The following CTNNA3 variants were observed in gnomAD, a reference collection of about 807,000 sequenced individuals.
CTNNA3 encodes the protein catenin alpha 3, also known as catenin alpha-3.
Under a neutral mutation model 95.7 loss-of-function variants are expected in CTNNA3, and 76 were observed. The ratio of observed to expected loss-of-function variants is 0.79; its 90% CI spans 0.66 to 0.96. CTNNA3 has a LOEUF of 0.96. Among genes scored for constraint, CTNNA3 ranks in the 40% least tolerant of loss-of-function variants. The probability of loss-of-function intolerance (pLI) is 0.00; values close to 1 mark genes in which losing one functional copy is unlikely to be tolerated. For synonymous variants in CTNNA3, 431 were observed against 374.4 expected, an observed-to-expected ratio of 1.15 and a Z score of -1.74; for missense variants, 1,191 against 1,089.8, an observed-to-expected ratio of 1.09 and a Z score of -1.31.
chr10:66,847,578 A>G (rs1198149948), intron 7 of CTNNA3, among the ~76,000 whole-genome samples: 1 of 152,176 alleles, frequency 6.6e-6, no homozygotes, highest in Non-Finnish European at 1.5e-5. Flanking sequence ...CATTAAAATA[A>G]TACTCATCTC....
At chr10:67,498,414 C>A (rs1255108373) in intron 5 of CTNNA3, among the ~76,000 whole-genome samples, 3 of 152,216 alleles carry the variant, frequency 2.0e-5, no homozygotes, top group African/African-American at 7.2e-5. Flanking sequence ...CTTGGCTATG[C>A]AAGCTCTTTT....
At chr10:67,157,606 T>C (rs2132080274) in intron 7 of CTNNA3, among the ~76,000 whole-genome samples, 1 of 152,250 alleles carries the variant, frequency 6.6e-6, no homozygotes, top group Middle Eastern at 3.4e-3. Context: ...ATTTCAGACT[T>C]TCTATGATGA....
intron 7 of CTNNA3, among the ~76,000 whole-genome samples, chr10:66,807,762 C>A (rs186354252): frequency 6.6e-6 from 1 of 152,096 alleles, no homozygotes; most frequent in African/African-American, 2.4e-5. Context: ...TTATCTTCCC[C>A]AGGCCTGTTT....
intron 5 of CTNNA3, among the ~76,000 whole-genome samples, chr10:67,342,689 G>A (rs1308055890): frequency 1.3e-5 from 2 of 152,104 alleles, no homozygotes; most frequent in Non-Finnish European, 2.9e-5. Context: ...ATTTATTGAA[G>A]AGACTGTCTT....
chr10:66,616,268 T>C (rs1452698038), intron 10 of CTNNA3, among the ~76,000 whole-genome samples: 49 of 152,078 alleles, frequency 3.2e-4, no homozygotes, highest in Admixed American at 3.2e-3. Flanking sequence ...ATGTCTGCAG[T>C]GTTGAGAAAC....
At chr10:67,107,550 AGATT>A (rs1858709631) in intron 7 of CTNNA3, among the ~76,000 whole-genome samples, 1 of 152,218 alleles carries the variant, frequency 6.6e-6, no homozygotes, top group Admixed American at 6.5e-5. Flanking sequence ...CACGGCCTTT[AGATT>A]GATTGACTTT....
intron 17 of CTNNA3, among the ~76,000 whole-genome samples, chr10:65,936,504 A>G: frequency 6.6e-6 from 1 of 151,968 alleles, no homozygotes; most frequent in East Asian, 1.9e-4. Context: ...AGTGTCTACA[A>G]CTCCAATGAA....
chr10:67,220,723 C>T (rs1466703673), intron 5 of CTNNA3, among the ~76,000 whole-genome samples: 2 of 151,928 alleles, frequency 1.3e-5, no homozygotes, highest in African/African-American at 4.8e-5. Flanking sequence ...AAAGAGAATG[C>T]CCTGTCTAAG....
chr10:67,648,800 T>C (rs973871031), intron 1 of CTNNA3: 4 of 1,289,160 alleles, frequency 3.1e-6, no homozygotes, highest in Non-Finnish European at 4.0e-6. Context: ...ACATGGTCTC[T>C]TTTCTCAGCG....
intron 7 of CTNNA3, among the ~76,000 whole-genome samples, chr10:66,801,262 T>C (rs1841419495): frequency 1.3e-5 from 2 of 151,014 alleles, no homozygotes; most frequent in African/African-American, 4.8e-5. Context: ...CAAAGTATTA[T>C]AACTAGTAAG....
chr10:66,133,412 G>A (rs2083210859), intron 13 of CTNNA3, among the ~76,000 whole-genome samples: 1 of 151,962 alleles, frequency 6.6e-6, no homozygotes, highest in South Asian at 2.1e-4. Flanking sequence ...CTATGGGGGA[G>A]GCTGAGACAT....
intron 5 of CTNNA3, among the ~76,000 whole-genome samples, chr10:67,341,793 C>G (rs991434917): frequency 6.6e-6 from 1 of 152,044 alleles, no homozygotes; most frequent in Non-Finnish European, 1.5e-5. Context: ...AATGGTTGTA[C>G]TAATTTATAA....
chr10:66,215,696 T>C (rs535996701), intron 13 of CTNNA3, among the ~76,000 whole-genome samples: 2 of 152,280 alleles, frequency 1.3e-5, no homozygotes, highest in South Asian at 4.1e-4. Context: ...TAAGACACAA[T>C]GAAATTATTA....
intron 15 of CTNNA3, among the ~76,000 whole-genome samples, chr10:66,066,863 C>T (rs1368499828): frequency 6.6e-6 from 1 of 151,992 alleles, no homozygotes; most frequent in Non-Finnish European, 1.5e-5. Context: ...AAAATTTAGA[C>T]TACTTTCATA....
intron 7 of CTNNA3, among the ~76,000 whole-genome samples, chr10:66,995,360 C>T (rs1851271009): frequency 6.6e-6 from 1 of 152,004 alleles, no homozygotes; most frequent in African/African-American, 2.4e-5. Flanking sequence ...TTCTTCATAC[C>T]CACTGCCATA....
At chr10:66,180,814 C>T (rs1367749282) in intron 13 of CTNNA3, among the ~76,000 whole-genome samples, 1 of 152,066 alleles carries the variant, frequency 6.6e-6, no homozygotes, top group Non-Finnish European at 1.5e-5. Context: ...AGTGCTTAGC[C>T]TGAGAATCTG....
intron 5 of CTNNA3, among the ~76,000 whole-genome samples, chr10:67,511,638 A>T (rs1347705020): frequency 6.6e-6 from 1 of 152,086 alleles, no homozygotes; most frequent in Non-Finnish European, 1.5e-5. Flanking sequence ...TTTATCAGGG[A>T]TATTGGTCTA....
At chr10:66,228,612 G>C (rs1410146334) in intron 13 of CTNNA3, among the ~76,000 whole-genome samples, 1 of 152,054 alleles carries the variant, frequency 6.6e-6, no homozygotes, top group African/African-American at 2.4e-5. Context: ...ATGTGTACTT[G>C]TAGTTGTTGC....
At chr10:67,258,954 T>C (rs1023019659) in intron 5 of CTNNA3, among the ~76,000 whole-genome samples, 8 of 152,190 alleles carry the variant, frequency 5.3e-5, no homozygotes, top group Non-Finnish European at 5.9e-5. Flanking sequence ...TCTCATATCC[T>C]TTAAATCATC....
Sources: allele counts gnomAD v4.1 joint callset (sites outside exome capture counted in the v4.1 genomes callset), GRCh38; gene constraint gnomAD v4.1.1; transcripts MANE v1.5; gene names NCBI Gene and HGNC (gene_info 2026-07-23, HGNC 2026-07-21).